Variants in AUTS2 observed in about 807,000 individuals in gnomAD.
AUTS2 encodes the protein activator of transcription and developmental regulator AUTS2, also known as autism susceptibility gene 2 protein.
Under a neutral mutation model 112.4 loss-of-function variants are expected in AUTS2, and 17 were observed. That is an observed-to-expected ratio of 0.15 (90% CI 0.10 to 0.23). The LOEUF (loss-of-function observed/expected upper bound fraction) is 0.23. Among genes scored for constraint, AUTS2 ranks in the 10% least tolerant of loss-of-function variants. The probability of loss-of-function intolerance (pLI) is 1.00; values close to 1 mark genes in which losing one functional copy is unlikely to be tolerated. For synonymous variants in AUTS2, 751 were observed against 702.7 expected, an observed-to-expected ratio of 1.07 and a Z score of -1.09; for missense variants, 1,510 against 1,701.6, an observed-to-expected ratio of 0.89 and a Z score of 1.98.
At chr7:69,807,023 T>A (rs894174672) in intron 1 of AUTS2, among the ~76,000 whole-genome samples, 2 of 152,180 alleles carry the variant, frequency 1.3e-5, no homozygotes, top group African/African-American at 2.4e-5. Flanking sequence ...GTGGCCAGCT[T>A]GCTCTTGTAA....
intron 6 of AUTS2, among the ~76,000 whole-genome samples, chr7:70,705,472 T>G (rs567057188): frequency 5.3e-5 from 8 of 152,346 alleles, no homozygotes; most frequent in African/African-American, 1.7e-4. Context: ...TGTCTTTTAT[T>G]TAGCCCGGAG....
intron 4 of AUTS2, among the ~76,000 whole-genome samples, chr7:70,217,893 T>TA (rs894782864): frequency 6.6e-6 from 1 of 152,250 alleles, no homozygotes; most frequent in Admixed American, 6.5e-5. Flanking sequence ...TTCTCTGTAT[T>TA]AAATCACTTC....
At chr7:70,481,752 G>A (rs1284087771) in intron 5 of AUTS2, among the ~76,000 whole-genome samples, 2 of 152,156 alleles carry the variant, frequency 1.3e-5, no homozygotes, top group Non-Finnish European at 2.9e-5. Flanking sequence ...CCTATCTGAC[G>A]CCACAGTCCA....
chr7:69,993,569 A>C (rs1798824622), intron 2 of AUTS2, among the ~76,000 whole-genome samples: 1 of 152,100 alleles, frequency 6.6e-6, no homozygotes. Flanking sequence ...ACACAGTAAG[A>C]CCTTTTAAAC....
At position 69,775,428 on chromosome 7, in the gene AUTS2, C is replaced by T. The variant is rs184503368; in HGVS notation, c.310-123858C>T. 1.6e-3 allele frequency among the ~76,000 whole-genome samples: 242 copies of T among 152,308 alleles called. 1 individual carries two copies. Among genetic ancestry groups the T allele is most frequent in the African/African-American group, 5.6e-3 (233 of 41,562 alleles). On this transcript the variant is annotated intron_variant, in intron 1 of 18. Transcript: ENST00000342771. ...CTTTAACCTGATGACTATCATATTT[C>T]CATCTAGGCTGCATTTTTAAATCTT...
At chr7:70,269,403 G>T (rs1271098039) in intron 4 of AUTS2, among the ~76,000 whole-genome samples, 1 of 91,346 alleles carries the variant, frequency 1.1e-5, no homozygotes, top group African/African-American at 4.2e-5. Flanking sequence ...TCCAAGAACT[G>T]GGGGATGGGG....
intron 14 of AUTS2, 124 bp downstream of exon 14, chr7:70,777,298 C>A: frequency 2.3e-6 from 2 of 870,132 alleles, no homozygotes; most frequent in South Asian, 1.5e-5. Context: ...TAGGAAGGAT[C>A]AAGCCTCTCT....
Position 70,347,666 on chromosome 7 carries a change from G to A in AUTS2, c.661-88086G>A, listed in dbSNP as rs116132399. ...GGGACTCCACCTCATCTTTGCCAGCGGTGTGCAGCTGGCTTCCTAAAATCC... is the reference window on the plus strand; with the variant it reads ...GGGACTCCACCTCATCTTTGCCAGCAGTGTGCAGCTGGCTTCCTAAAATCC... On this transcript the variant is annotated intron_variant, in intron 4 of 18. Coordinates refer to ENST00000342771, the MANE Select transcript of AUTS2 (RefSeq NM_015570.4). Among the ~76,000 whole-genome samples the A allele has an allele frequency of 8.8e-3, 1,339 of 152,216 alleles. 24 individuals carry two copies. Among genetic ancestry groups the A allele is most frequent in the African/African-American group, 0.031 (1,274 of 41,524 alleles).
At chr7:69,767,425 C>A (rs548536235) in intron 1 of AUTS2, among the ~76,000 whole-genome samples, 3 of 152,276 alleles carry the variant, frequency 2.0e-5, no homozygotes, top group Non-Finnish European at 4.4e-5. Flanking sequence ...GATCCACCTG[C>A]CTTGGCCCCA....
At chr7:69,614,749 G>T (rs563183863) in intron 1 of AUTS2, among the ~76,000 whole-genome samples, 18 of 152,108 alleles carry the variant, frequency 1.2e-4, no homozygotes, top group Non-Finnish European at 2.5e-4. Flanking sequence ...CTCCCAGAAT[G>T]CTGGGATTAC....
At chr7:69,763,031 A>G (rs1456845815) in intron 1 of AUTS2, among the ~76,000 whole-genome samples, 3 of 152,248 alleles carry the variant, frequency 2.0e-5, no homozygotes, top group Non-Finnish European at 4.4e-5. Flanking sequence ...GGAATACAGG[A>G]AGTGAGACAT....
intron 5 of AUTS2, among the ~76,000 whole-genome samples, chr7:70,659,953 G>T (rs1806981632): frequency 6.6e-6 from 1 of 151,978 alleles, no homozygotes; most frequent in Non-Finnish European, 1.5e-5. Flanking sequence ...AAGGCAGGTG[G>T]ATCATTTGAG....
At chr7:70,022,744 G>A (rs1388325835) in intron 2 of AUTS2, among the ~76,000 whole-genome samples, 1 of 152,078 alleles carries the variant, frequency 6.6e-6, no homozygotes, top group Non-Finnish European at 1.5e-5. Flanking sequence ...GATTTGTTGT[G>A]TGCTAGTCAG....
At chr7:69,849,844 G>C (rs1390725722) in intron 1 of AUTS2, among the ~76,000 whole-genome samples, 1 of 151,994 alleles carries the variant, frequency 6.6e-6, no homozygotes, top group African/African-American at 2.4e-5. Flanking sequence ...TTCGCTTATT[G>C]AGGAACATTT....
chr7:69,758,108 A>G (rs1788018126), intron 1 of AUTS2, among the ~76,000 whole-genome samples: 1 of 152,200 alleles, frequency 6.6e-6, no homozygotes, highest in Non-Finnish European at 1.5e-5. Context: ...AATAGCTAGA[A>G]TTAATTAGTT....
At chr7:69,704,991 C>G (rs971292057) in intron 1 of AUTS2, among the ~76,000 whole-genome samples, 8 of 152,194 alleles carry the variant, frequency 5.3e-5, no homozygotes, top group Admixed American at 2.6e-4. Context: ...CTCAGCCTCC[C>G]CAGTAGCTGG....
At chr7:70,518,431 C>G (rs1471741760) in intron 5 of AUTS2, among the ~76,000 whole-genome samples, 1 of 152,024 alleles carries the variant, frequency 6.6e-6, no homozygotes, top group Non-Finnish European at 1.5e-5. Context: ...GCCTGTAATC[C>G]CAGCACTTTG....
At chr7:70,271,042 G>C (rs1369838801) in intron 4 of AUTS2, among the ~76,000 whole-genome samples, 2 of 152,028 alleles carry the variant, frequency 1.3e-5, no homozygotes, top group African/African-American at 2.4e-5. Context: ...CCTCACACTA[G>C]ATGGTTCCAC....
chr7:70,057,129 C>T (rs1229856269), intron 2 of AUTS2, among the ~76,000 whole-genome samples: 2 of 152,072 alleles, frequency 1.3e-5, no homozygotes, highest in East Asian at 3.9e-4. Context: ...CTTCTTGAAT[C>T]GCATACAAAG....
Sources: allele counts gnomAD v4.1 joint callset (sites outside exome capture counted in the v4.1 genomes callset), GRCh38; gene constraint gnomAD v4.1.1; transcripts MANE v1.5; gene names NCBI Gene and HGNC (gene_info 2026-07-23, HGNC 2026-07-21).